Variants in SIPA1L2 observed in about 807,000 individuals in gnomAD.
The protein encoded by SIPA1L2 is signal induced proliferation associated 1 like 2.
SIPA1L2 carries 56 observed loss-of-function variants against 163.9 expected under a neutral mutation model. The observed-to-expected ratio is 0.34, with a 90% CI of 0.28 to 0.43. The LOEUF is 0.43. Among genes scored for constraint, SIPA1L2 ranks in the 20% least tolerant of loss-of-function variants. SIPA1L2 has a pLI of 1.00. For synonymous variants in SIPA1L2, 877 were observed against 865.7 expected (o/e 1.01, Z -0.23); for missense variants, 1,974 against 2,193.5 (o/e 0.90, Z 2.00).
chr1:232,473,693 T>C (rs1014503873), intron 7 of SIPA1L2, among the ~76,000 whole-genome samples: 1 of 152,242 alleles, frequency 6.6e-6, no homozygotes, highest in African/African-American at 2.4e-5. Context: ...ACACATTCTT[T>C]TGCTTTGTAA....
intron 1 of SIPA1L2, among the ~76,000 whole-genome samples, chr1:232,626,313 T>C (rs1663077731): frequency 6.6e-6 from 1 of 151,760 alleles, no homozygotes; most frequent in African/African-American, 2.4e-5. Flanking sequence ...TAAGGTCCTT[T>C]CTGGCCCAAA....
At chr1:232,561,219 C>A (rs1659017072) in intron 2 of SIPA1L2, among the ~76,000 whole-genome samples, 1 of 152,196 alleles carries the variant, frequency 6.6e-6, no homozygotes, top group Non-Finnish European at 1.5e-5. Context: ...CGACATCATT[C>A]TCAACTATCT....
At chr1:232,606,645 A>G (rs2102865730) in intron 1 of SIPA1L2, among the ~76,000 whole-genome samples, 1 of 148,812 alleles carries the variant, frequency 6.7e-6, no homozygotes, top group East Asian at 1.9e-4. Context: ...TATATAATTT[A>G]TAATATATTA....
chr1:232,418,066 T>C (rs189254317), intron 18 of SIPA1L2, among the ~76,000 whole-genome samples: 53 of 152,356 alleles, frequency 3.5e-4, no homozygotes, highest in Non-Finnish European at 6.6e-4. Flanking sequence ...GAATTTTCCT[T>C]GTGTTTATAA....
intron 1 of SIPA1L2, among the ~76,000 whole-genome samples, chr1:232,629,262 TC>T (rs1573199698): frequency 1.3e-5 from 2 of 152,192 alleles, no homozygotes; most frequent in African/African-American, 4.8e-5. Flanking sequence ...CCAGGGATAT[TC>T]CCAGGACGTG....
rs75644996 is a variant in SIPA1L2 at position 232,576,872 on chromosome 1, G to C, written c.-318-2650C>G. On this transcript the variant is annotated intron_variant, in intron 1 of 22. Coordinates refer to ENST00000674635, the MANE Select transcript of SIPA1L2 (RefSeq NM_020808.5). ...AAGCCAAAGCCTAGTTCAGAGAAAG[G>C]CCCTAATACTCTTCAATTCAATGAA... Among the ~76,000 whole-genome samples the C allele has an allele frequency of 9.7e-3, 1,472 of 152,234 alleles. 18 individuals carry two copies. Among genetic ancestry groups the C allele is most frequent in the African/African-American group, 0.034 (1,401 of 41,538 alleles).
At chr1:232,510,776 G>A (rs925265519) in intron 3 of SIPA1L2, among the ~76,000 whole-genome samples, 6 of 152,102 alleles carry the variant, frequency 3.9e-5, no homozygotes, top group East Asian at 3.9e-4. Context: ...GGTGGTGACC[G>A]GGGTGCACAA....
At chr1:232,546,188 G>A (rs553833450) in intron 2 of SIPA1L2, among the ~76,000 whole-genome samples, 1 of 152,276 alleles carries the variant, frequency 6.6e-6, no homozygotes, top group Admixed American at 6.5e-5. Context: ...CATTTCCTAG[G>A]CAGCCAGCCA....
chr1:232,457,546 A>G lies in SIPA1L2; in HGVS notation c.3095+3341T>C, dbSNP rs116807456. The stretch of plus-strand genomic sequence containing the variant: ...TATTTCTCCTCCCTCACAAGCACGA[A>G]GAGTCCATCTGAGAAAGTTGGAGGT... On this transcript the variant is annotated intron_variant, in intron 10 of 22. Transcript: ENST00000674635. 8.7e-3 allele frequency among the ~76,000 whole-genome samples: 1,322 copies of G among 152,332 alleles called. 9 individuals carry two copies. The highest frequency in any genetic ancestry group is 0.013 in the Non-Finnish European group (883 of 68,024).
At position 232,412,050 on chromosome 1, in the gene SIPA1L2, T is replaced by C. The variant is rs1313179416; in HGVS notation, c.4762+3444A>G. 4.6e-5 allele frequency among the ~76,000 whole-genome samples: 7 copies of C among 152,334 alleles called. 1 individual carries two copies. The Middle Eastern group carries it at 0.014, about 296-fold the overall frequency. On this transcript the variant is annotated intron_variant, in intron 19 of 22. Transcript: ENST00000674635. ...CCATTTATTATGGTCCTTGCACGAA[T>C]AGAGTTTAAACATTTAAGTAGTCAT...
At chr1:232,562,460 G>A (rs549477615) in intron 2 of SIPA1L2, among the ~76,000 whole-genome samples, 1 of 152,264 alleles carries the variant, frequency 6.6e-6, no homozygotes, top group South Asian at 2.1e-4. Context: ...CCGCCTATTA[G>A]AGCATTTTAA....
At position 232,576,386 on chromosome 1, in the gene SIPA1L2, G is replaced by A. The variant is rs1448288828; in HGVS notation, c.-318-2164C>T. Among the ~76,000 whole-genome samples the A allele has an allele frequency of 2.6e-5, 4 of 152,340 alleles. No homozygotes were observed. In the Middle Eastern group the frequency reaches 0.01, roughly 389 times the overall value. ...TGATCAGCGATCTTGGATGGAACTA[G>A]TGTAACTGTTCTAGGGTGGCATGAG... On this transcript the variant is annotated intron_variant, in intron 1 of 22. Transcript: ENST00000674635.
chr1:232,474,841 A>T (rs950103229), intron 7 of SIPA1L2, among the ~76,000 whole-genome samples: 8 of 152,240 alleles, frequency 5.3e-5, no homozygotes, highest in Non-Finnish European at 8.8e-5. Flanking sequence ...CAGACAGCAC[A>T]CTTGGGTGAA....
At chr1:232,628,360 C>G (rs1663190859) in intron 1 of SIPA1L2, among the ~76,000 whole-genome samples, 1 of 152,210 alleles carries the variant, frequency 6.6e-6, no homozygotes, top group Non-Finnish European at 1.5e-5. Context: ...ATACCCAAAA[C>G]TTAAGAAAGA....
chr1:232,510,013 C>A (rs951954111), intron 3 of SIPA1L2, among the ~76,000 whole-genome samples: 3 of 152,146 alleles, frequency 2.0e-5, no homozygotes, highest in African/African-American at 7.2e-5. Context: ...ATTGCCTCCC[C>A]ACTCCCTCAT....
intron 19 of SIPA1L2, among the ~76,000 whole-genome samples, chr1:232,409,032 CT>C (rs1364019616): frequency 1.3e-5 from 2 of 152,130 alleles, no homozygotes; most frequent in Non-Finnish European, 2.9e-5. Flanking sequence ...CCATGTAACT[CT>C]TATATTCAGA....
At chr1:232,561,529 G>A (rs1659036692) in intron 2 of SIPA1L2, 1 of 152,160 alleles carries the variant, frequency 6.6e-6, no homozygotes, top group Non-Finnish European at 1.5e-5. Context: ...CTCTACCACA[G>A]GGGAGCCACA....
chr1:232,562,487 A>G (rs897446204), intron 2 of SIPA1L2, among the ~76,000 whole-genome samples: 1 of 152,236 alleles, frequency 6.6e-6, no homozygotes, highest in Admixed American at 6.5e-5. Flanking sequence ...GAGATAGAAT[A>G]AAGGAAGAAA....
chr1:232,421,959 T>C (rs1437944420), intron 18 of SIPA1L2, among the ~76,000 whole-genome samples: 2 of 152,178 alleles, frequency 1.3e-5, no homozygotes, highest in East Asian at 3.9e-4. Flanking sequence ...ACCAAAAAAT[T>C]ATCTTTAAGC....
Sources: gnomAD v4.1 joint callset for allele counts (sites outside exome capture counted in the v4.1 genomes callset) on GRCh38, gnomAD v4.1.1 for gene constraint, MANE v1.5 for transcripts, NCBI Gene and HGNC (gene_info 2026-07-23, HGNC 2026-07-21) for gene names.